NOVA1: variants seen among roughly 807,000 people sequenced by gnomAD.
NOVA1 encodes RNA-binding protein Nova-1.
A neutral mutation model predicts 38.0 loss-of-function variants in NOVA1; 7 were observed. The ratio of observed to expected loss-of-function variants is 0.18; its 90% confidence interval spans 0.10 to 0.35. The LOEUF (loss-of-function observed/expected upper bound fraction) is 0.35, where lower values mean the gene tolerates loss of function less well. Among genes scored for constraint, NOVA1 ranks in the 10% least tolerant of loss-of-function variants. NOVA1 has a pLI of 1.00. For missense variants in NOVA1, 460 were observed against 616.0 expected (o/e 0.75, Z 2.68); for synonymous variants, 270 against 232.5 (o/e 1.16, Z -1.47).
intron 2 of NOVA1, among the ~76,000 whole-genome samples, chr14:26,493,854 C>CCCCTA (rs1311143044): frequency 6.6e-6 from 1 of 152,166 alleles, no homozygotes; most frequent in Non-Finnish European, 1.5e-5. Flanking sequence ...GCCAACTCTT[C>CCCCTA]CCCTAACCTT....
At chr14:26,569,443 G>A (rs977981306) in intron 2 of NOVA1, among the ~76,000 whole-genome samples, 1 of 152,136 alleles carries the variant, frequency 6.6e-6, no homozygotes, top group Non-Finnish European at 1.5e-5. Context: ...TTTACAATAT[G>A]CATTTATCTG....
At chr14:26,572,476 C>T (rs1892541079) in intron 2 of NOVA1, among the ~76,000 whole-genome samples, 1 of 152,138 alleles carries the variant, frequency 6.6e-6, no homozygotes, top group Admixed American at 6.5e-5. Context: ...ACAGATTGAG[C>T]ATCTACTATG....
intron 2 of NOVA1, among the ~76,000 whole-genome samples, chr14:26,595,144 T>G (rs1894110318): frequency 6.6e-6 from 1 of 152,162 alleles, no homozygotes. Context: ...ATTTTTGAGT[T>G]TTTTTGCTAA....
chr14:26,547,037 A>G (rs1471650795), intron 2 of NOVA1, among the ~76,000 whole-genome samples: 3 of 152,186 alleles, frequency 2.0e-5, no homozygotes, highest in Non-Finnish European at 2.9e-5. Context: ...AAATTAAATT[A>G]AATTAAATTA....
intron 2 of NOVA1, chr14:26,519,231 GTA>G (rs1888696680): frequency 6.6e-6 from 1 of 152,018 alleles, no homozygotes; most frequent in African/African-American, 2.4e-5. Context: ...TGACAATAAT[GTA>G]TTAAGTTACA....
At chr14:26,575,032 T>G (rs1892748451) in intron 2 of NOVA1, among the ~76,000 whole-genome samples, 1 of 152,172 alleles carries the variant, frequency 6.6e-6, no homozygotes, top group Non-Finnish European at 1.5e-5. Flanking sequence ...AAGTAAATAA[T>G]TCTCTTAAAA....
At chr14:26,472,672 T>C (rs910610866) in intron 3 of NOVA1, among the ~76,000 whole-genome samples, 10 of 151,844 alleles carry the variant, frequency 6.6e-5, no homozygotes, top group African/African-American at 2.4e-4. Flanking sequence ...ACCATATTCA[T>C]GAATAGTAGT....
At chr14:26,457,504 G>A (rs1280134565) in intron 4 of NOVA1, among the ~76,000 whole-genome samples, 1 of 152,088 alleles carries the variant, frequency 6.6e-6, no homozygotes, top group Non-Finnish European at 1.5e-5. Context: ...CGTTGTTAAT[G>A]TCCTATCACA....
At chr14:26,546,973 C>G (rs775158592) in intron 2 of NOVA1, among the ~76,000 whole-genome samples, 1 of 152,010 alleles carries the variant, frequency 6.6e-6, no homozygotes, top group Non-Finnish European at 1.5e-5. Flanking sequence ...GAGCCGAGAT[C>G]GTGCCATTGC....
intron 2 of NOVA1, among the ~76,000 whole-genome samples, chr14:26,574,459 CTTAAT>C (rs1362266433): frequency 6.6e-6 from 1 of 152,000 alleles, no homozygotes; most frequent in Non-Finnish European, 1.5e-5. Context: ...GTCATTCATA[CTTAAT>C]TTAAAATAAC....
At chr14:26,548,766 T>A (rs530367170) in intron 2 of NOVA1, among the ~76,000 whole-genome samples, 1 of 151,634 alleles carries the variant, frequency 6.6e-6, no homozygotes, top group East Asian at 2.0e-4. Context: ...AATTCAAATA[T>A]TTACTGTTCC....
At chr14:26,450,659 A>T (rs1371434898) in intron 4 of NOVA1, among the ~76,000 whole-genome samples, 1 of 152,190 alleles carries the variant, frequency 6.6e-6, no homozygotes, top group African/African-American at 2.4e-5. Flanking sequence ...TTGCTCACAG[A>T]CATCTTTTTG....
At chr14:26,480,831 T>C (rs189769087) in intron 2 of NOVA1, among the ~76,000 whole-genome samples, 1 of 152,270 alleles carries the variant, frequency 6.6e-6, no homozygotes, top group African/African-American at 2.4e-5. Context: ...TTATTGATGA[T>C]ATAATTTTAA....
intron 2 of NOVA1, chr14:26,549,848 G>C (rs1467714480): frequency 2.9e-6 from 2 of 697,030 alleles, no homozygotes; most frequent in South Asian, 2.9e-5. Flanking sequence ...ATTCGGTGGT[G>C]GGTGAAGTGA....
At chr14:26,539,342 A>C (rs1227477702) in intron 2 of NOVA1, among the ~76,000 whole-genome samples, 1 of 152,186 alleles carries the variant, frequency 6.6e-6, no homozygotes, top group Non-Finnish European at 1.5e-5. Context: ...TGATAGTTAT[A>C]ATATGAAAGC....
intron 2 of NOVA1, among the ~76,000 whole-genome samples, chr14:26,566,557 T>A (rs1271891891): frequency 1.3e-5 from 2 of 152,146 alleles, no homozygotes; most frequent in African/African-American, 4.8e-5. Context: ...ATTATTATTA[T>A]CATTATTACT....
At chr14:26,568,341 T>C (rs1892262207) in intron 2 of NOVA1, 1 of 152,184 alleles carries the variant, frequency 6.6e-6, no homozygotes, top group Non-Finnish European at 1.5e-5. Flanking sequence ...CTATACAATG[T>C]ACAGCATGGA....
At chr14:26,487,189 A>G (rs1885986355) in intron 2 of NOVA1, among the ~76,000 whole-genome samples, 1 of 152,160 alleles carries the variant, frequency 6.6e-6, no homozygotes, top group Non-Finnish European at 1.5e-5. Context: ...ACATTCTTTC[A>G]GGGGAAAGTA....
Position 26,480,033 on chromosome 14 carries a change from C to T in NOVA1, c.391G>A (p.Glu131Lys). 1 of 1,614,078 alleles carries T rather than the reference C, an allele frequency of 6.2e-7. No individual in the cohort carries two copies. The highest frequency in any genetic ancestry group is 8.5e-7 in the Non-Finnish European group (1 of 1,180,010). Residue 131 changes from glutamate to lysine, a missense_variant, in exon 3 of 5, where the codon GAA becomes AAA. Physicochemically the swap from Glu to Lys is moderately conservative, Grantham distance 56. Transcript: ENST00000539517. ...TGGGGTTGTAGAATGCTGACTGGTT[C>T]TGTCTTGGCCACATTTTGGGGCATT... ...REMPQNVAKTEPVSILQPQTT... is the reference protein window; with the variant it reads ...REMPQNVAKTKPVSILQPQTT...
Sources: gnomAD v4.1 joint callset for allele counts (sites outside exome capture counted in the v4.1 genomes callset) on GRCh38, gnomAD v4.1.1 for gene constraint, MANE v1.5 for transcripts, NCBI Gene and HGNC (gene_info 2026-07-23, HGNC 2026-07-21) for gene names.